Variants in VPS13B observed in about 807,000 individuals in gnomAD.
The protein encoded by VPS13B is vacuolar protein sorting 13 homolog B.
VPS13B carries 285 observed loss-of-function variants against 426.4 expected under a neutral mutation model. That is an observed-to-expected ratio of 0.67 (90% confidence interval 0.61 to 0.74). The LOEUF (loss-of-function observed/expected upper bound fraction) is 0.74, where lower values mean the gene tolerates loss of function less well. VPS13B is among the 30% of genes least tolerant of loss of function. The pLI is 0.00. For synonymous variants in VPS13B, 1,676 were observed against 1,676.4 expected (o/e 1.00, Z 0.01); for missense variants, 4,537 against 4,782.6 (o/e 0.95, Z 1.51).
chr8:99,025,210 ATCTTG>A (rs1357876825), intron 2 of VPS13B, among the ~76,000 whole-genome samples: 2 of 151,984 alleles, frequency 1.3e-5, no homozygotes, highest in African/African-American at 4.8e-5. Context: ...TGCATATGAG[ATCTTG>A]TCTTCTGCAA....
chr8:99,074,456 C>T (rs1431817010), intron 3 of VPS13B, among the ~76,000 whole-genome samples: 2 of 149,624 alleles, frequency 1.3e-5, no homozygotes, highest in African/African-American at 4.9e-5. Flanking sequence ...TGCAGTGAGC[C>T]GAGATCGCAC....
At chr8:99,095,227 A>C (rs746952651) in intron 3 of VPS13B, among the ~76,000 whole-genome samples, 1 of 152,216 alleles carries the variant, frequency 6.6e-6, no homozygotes, top group Non-Finnish European at 1.5e-5. Context: ...AACTAGAATG[A>C]GGACTAAGAA....
intron 35 of VPS13B, among the ~76,000 whole-genome samples, chr8:99,695,504 C>T (rs1220232436): frequency 7.8e-6 from 1 of 128,914 alleles, no homozygotes; most frequent in East Asian, 2.3e-4. Flanking sequence ...ACAATGAGAT[C>T]ACATGGACAC....
chr8:99,258,342 AAT>A (rs1817865080), intron 17 of VPS13B, among the ~76,000 whole-genome samples: 1 of 151,904 alleles, frequency 6.6e-6, no homozygotes, highest in Non-Finnish European at 1.5e-5. Context: ...GATAATACTA[AAT>A]GATCACCATT....
At chr8:99,046,185 T>C (rs1051090536) in intron 3 of VPS13B, among the ~76,000 whole-genome samples, 39 of 152,226 alleles carry the variant, frequency 2.6e-4, no homozygotes, top group Non-Finnish European at 1.6e-4. Context: ...GAGCATGAGA[T>C]GTGTTTCCAT....
At chr8:99,274,606 G>GTA (rs1372112834) in intron 18 of VPS13B, among the ~76,000 whole-genome samples, 1 of 152,040 alleles carries the variant, frequency 6.6e-6, no homozygotes, top group Admixed American at 6.5e-5. Flanking sequence ...AATAGGAGGT[G>GTA]TATATATATG....
intron 30 of VPS13B, among the ~76,000 whole-genome samples, chr8:99,551,754 A>C (rs1824296309): frequency 6.6e-6 from 1 of 151,848 alleles, no homozygotes; most frequent in African/African-American, 2.4e-5. Context: ...ATTATTATCC[A>C]GTGTCTTATT....
chr8:99,477,177 C>G (rs996073642), intron 24 of VPS13B, among the ~76,000 whole-genome samples: 4 of 152,078 alleles, frequency 2.6e-5, no homozygotes, highest in African/African-American at 9.7e-5. Context: ...TCAAAGATAC[C>G]TATATATTCC....
At chr8:99,217,603 C>G (rs572397631) in intron 17 of VPS13B, among the ~76,000 whole-genome samples, 1 of 152,058 alleles carries the variant, frequency 6.6e-6, no homozygotes, top group African/African-American at 2.4e-5. Flanking sequence ...TTGTGTATTT[C>G]ATTTTTGGTA....
intron 31 of VPS13B, among the ~76,000 whole-genome samples, chr8:99,573,497 G>C (rs1400452854): frequency 6.6e-6 from 1 of 152,088 alleles, no homozygotes; most frequent in African/African-American, 2.4e-5. Flanking sequence ...GGAAGGGATT[G>C]AGTTTCAGCT....
At chr8:99,455,738 A>G in intron 23 of VPS13B, among the ~76,000 whole-genome samples, 1 of 152,158 alleles carries the variant, frequency 6.6e-6, no homozygotes, top group African/African-American at 2.4e-5. Context: ...AGTCTTTTGC[A>G]TCTGGCTTCT....
At chr8:99,710,051 T>G (rs1832646601) in intron 36 of VPS13B, among the ~76,000 whole-genome samples, 3 of 152,194 alleles carry the variant, frequency 2.0e-5, no homozygotes, top group Non-Finnish European at 4.4e-5. Context: ...AGTGATGATT[T>G]TATATCGTAA....
Position 99,287,224 on chromosome 8 carries a change from A to ATCTATCTG in VPS13B, c.2824+11973_2824+11974insATCTGTCT, listed in dbSNP as rs1289619386. 4.5e-5 allele frequency among the ~76,000 whole-genome samples: 5 copies of ATCTATCTG among 112,188 alleles called. No homozygotes were observed. The South Asian group carries it at 9.5e-4, about 21-fold the overall frequency. The allele number at this position is 112,188 out of a possible 152,430, so 73.6% of individuals were successfully genotyped here. On this transcript the variant is annotated intron_variant, in intron 19 of 61. Coordinates refer to ENST00000357162, the MANE Select transcript of VPS13B (RefSeq NM_152564.5). ...AGGAGATATATGTGTGTGTGTATCT[A>ATCTATCTG]TCTGTCTGTCTATCTATCTATCTAT... is the stretch of plus-strand genomic sequence containing the variant.
intron 40 of VPS13B, 119 bp downstream of exon 40, chr8:99,767,089 T>C: frequency 1.0e-6 from 1 of 985,574 alleles, no homozygotes; most frequent in Non-Finnish European, 1.6e-6. Flanking sequence ...TGCATCTCTC[T>C]GAACAACAGA....
In VPS13B at chr8:99,190,178, A is replaced by T. The variant is rs539640164; in HGVS notation, c.2334-2698A>T. Among the ~76,000 whole-genome samples the T allele has an allele frequency of 5.9e-5, 9 of 152,232 alleles. No individual in the cohort carries two copies. The East Asian group carries it at 1.5e-3, about 26-fold the overall frequency. ...AAAAAAATCTCTCTATATCCATGGT[A>T]ATAGTCTTTGTTCCAGAGTTTACTT... On this transcript the variant is annotated intron_variant, in intron 16 of 61. Transcript: ENST00000357162.
At chr8:99,638,159 A>G (rs1212784541) in intron 33 of VPS13B, among the ~76,000 whole-genome samples, 1 of 152,114 alleles carries the variant, frequency 6.6e-6, no homozygotes, top group East Asian at 1.9e-4. Flanking sequence ...ATGTTCATAC[A>G]TTTATTCAGT....
intron 23 of VPS13B, among the ~76,000 whole-genome samples, chr8:99,465,236 G>A (rs908393894): frequency 7.2e-5 from 11 of 152,094 alleles, no homozygotes; most frequent in Non-Finnish European, 1.0e-4. Flanking sequence ...TGGTGTGTGT[G>A]TGTGAAAGGA....
At position 99,293,633 on chromosome 8, in the gene VPS13B, A is replaced by C. The variant is rs1195879639; in HGVS notation, c.2824+18379A>C. Among the ~76,000 whole-genome samples, 9 of 146,114 alleles carry C rather than the reference A, an allele frequency of 6.2e-5. No individual in the cohort carries two copies. The East Asian group carries it at 1.2e-3, about 20-fold the overall frequency. ...CTACAACATGGGAGAAAATTTTCGC[A>C]ACCTACTCATCTGACGAAGGGCTAA... On this transcript the variant is annotated intron_variant, in intron 19 of 61. Coordinates refer to ENST00000357162, the MANE Select transcript of VPS13B (RefSeq NM_152564.5).
chr8:99,510,656 C>T (rs549578083), intron 28 of VPS13B, among the ~76,000 whole-genome samples: 94 of 152,190 alleles, frequency 6.2e-4, no homozygotes, highest in Middle Eastern at 3.4e-3. Flanking sequence ...GCATGTACTA[C>T]CATGCCACCA....
Sources: gnomAD v4.1 joint callset for allele counts (sites outside exome capture counted in the v4.1 genomes callset) on GRCh38, gnomAD v4.1.1 for gene constraint, MANE v1.5 for transcripts, NCBI Gene and HGNC (gene_info 2026-07-23, HGNC 2026-07-21) for gene names.